Variants in CTNNA3 observed in about 807,000 individuals in gnomAD.
CTNNA3 encodes the protein catenin alpha 3.
Under a neutral mutation model 95.7 loss-of-function variants are expected in CTNNA3, and 76 were observed. That is an observed-to-expected ratio of 0.79 (90% CI 0.66 to 0.96). CTNNA3 has a LOEUF of 0.96. Ranked by LOEUF, CTNNA3 falls within the 40% of genes least tolerant of loss-of-function variation. CTNNA3 has a pLI of 0.00. For missense variants in CTNNA3, 1,191 were observed against 1,089.8 expected, an observed-to-expected ratio of 1.09 and a Z score of -1.31; for synonymous variants, 431 against 374.4, an observed-to-expected ratio of 1.15 and a Z score of -1.74.
At chr10:66,337,302 AG>A (rs1284132406) in intron 12 of CTNNA3, among the ~76,000 whole-genome samples, 1 of 152,110 alleles carries the variant, frequency 6.6e-6, no homozygotes, top group Admixed American at 6.5e-5. Context: ...CTGAGACCAA[AG>A]AGTCTTAGAA....
chr10:67,207,754 C>G (rs1437782413), intron 6 of CTNNA3, among the ~76,000 whole-genome samples: 1 of 152,148 alleles, frequency 6.6e-6, no homozygotes, highest in Non-Finnish European at 1.5e-5. Flanking sequence ...AATACTCAGT[C>G]TAACTGAAAA....
intron 13 of CTNNA3, among the ~76,000 whole-genome samples, chr10:66,279,786 C>G (rs929425780): frequency 6.6e-6 from 1 of 152,052 alleles, no homozygotes; most frequent in Non-Finnish European, 1.5e-5. Context: ...TAAGGTATCT[C>G]CATATCTTTA....
chr10:66,176,124 G>A (rs553151171), intron 13 of CTNNA3, among the ~76,000 whole-genome samples: 14 of 152,220 alleles, frequency 9.2e-5, no homozygotes, highest in Admixed American at 2.0e-4. Context: ...CCATAGCACC[G>A]GCTTTAAAAC....
chr10:66,666,815 C>CTT (rs35241654), intron 9 of CTNNA3, among the ~76,000 whole-genome samples: 2 of 151,506 alleles, frequency 1.3e-5, no homozygotes, highest in South Asian at 2.1e-4. Context: ...AAAAAACTTA[C>CTT]TTTTTTAATG....
chr10:65,956,872 G>C (rs966989597), intron 17 of CTNNA3, among the ~76,000 whole-genome samples: 1 of 152,172 alleles, frequency 6.6e-6, no homozygotes, highest in African/African-American at 2.4e-5. Context: ...CTATTGATTT[G>C]GGGTGGAGAG....
intron 13 of CTNNA3, among the ~76,000 whole-genome samples, chr10:66,171,222 T>A (rs1414790551): frequency 6.6e-6 from 1 of 151,590 alleles, no homozygotes; most frequent in African/African-American, 2.4e-5. Flanking sequence ...ATTAGGCTAA[T>A]CTTAATTTTA....
At chr10:66,614,737 ACAAAG>A (rs1844450264) in intron 10 of CTNNA3, among the ~76,000 whole-genome samples, 1 of 152,042 alleles carries the variant, frequency 6.6e-6, no homozygotes, top group African/African-American at 2.4e-5. Context: ...GATAGATATA[ACAAAG>A]CAATACTACA....
intron 14 of CTNNA3, among the ~76,000 whole-genome samples, chr10:66,090,102 G>A (rs182785509): frequency 6.6e-6 from 1 of 152,086 alleles, no homozygotes; most frequent in East Asian, 1.9e-4. Context: ...TGACAACACA[G>A]CACTTCTTTT....
chr10:66,913,238 C>CAAAAAAACAAAAAA (rs1846306239), intron 7 of CTNNA3, among the ~76,000 whole-genome samples: 1 of 33,530 alleles, frequency 3.0e-5, no homozygotes, highest in African/African-American at 1.2e-4. Context: ...GACTCCGTCT[C>CAAAAAAACAAAAAA]AAAAAAAAAA....
At chr10:67,753,559 C>T (rs907980687) in intron 1 of CTNNA3, among the ~76,000 whole-genome samples, 4 of 152,186 alleles carry the variant, frequency 2.6e-5, no homozygotes, top group Non-Finnish European at 2.9e-5. Context: ...TGTTTGCAAT[C>T]TATCCCTCTG....
intron 13 of CTNNA3, among the ~76,000 whole-genome samples, chr10:66,174,854 T>C (rs992734465): frequency 6.6e-6 from 1 of 152,078 alleles, no homozygotes; most frequent in African/African-American, 2.4e-5. Context: ...GCATTTCCAA[T>C]AGGAGCATGA....
intron 13 of CTNNA3, among the ~76,000 whole-genome samples, chr10:66,150,919 G>A (rs2133905112): frequency 6.6e-6 from 1 of 152,084 alleles, no homozygotes; most frequent in East Asian, 1.9e-4. Flanking sequence ...TTTTTAATAA[G>A]GGATGGGACT....
chr10:66,147,741 T>C (rs2083973458), intron 13 of CTNNA3, among the ~76,000 whole-genome samples: 1 of 148,728 alleles, frequency 6.7e-6, no homozygotes, highest in Admixed American at 6.9e-5. Flanking sequence ...ATGTAAAATA[T>C]GTTTATATTA....
At chr10:66,165,270 G>T (rs1422654091) in intron 13 of CTNNA3, among the ~76,000 whole-genome samples, 1 of 152,006 alleles carries the variant, frequency 6.6e-6, no homozygotes, top group African/African-American at 2.4e-5. Flanking sequence ...CATATATAAA[G>T]ATGGCAACAG....
chr10:66,389,025 TA>T (rs1399214466), intron 11 of CTNNA3, among the ~76,000 whole-genome samples: 1 of 152,172 alleles, frequency 6.6e-6, no homozygotes, highest in East Asian at 1.9e-4. Context: ...TTTAAGTGGC[TA>T]AAAGAACTTC....
At chr10:66,119,972 C>T (rs969247918) in intron 13 of CTNNA3, among the ~76,000 whole-genome samples, 1 of 152,102 alleles carries the variant, frequency 6.6e-6, no homozygotes, top group Non-Finnish European at 1.5e-5. Context: ...TCATTGTAAA[C>T]TTTGTATGGT....
rs115311237 is a variant in CTNNA3 at position 65,942,823 on chromosome 10, T to G, written c.2401-22206A>C. Among the ~76,000 whole-genome samples, 1,428 of 152,242 alleles carry G rather than the reference T, an allele frequency of 9.4e-3. 28 individuals carry two copies. Among genetic ancestry groups the G allele is most frequent in the African/African-American group, 0.032 (1,348 of 41,524 alleles). On this transcript the variant is annotated intron_variant, in intron 17 of 17. Coordinates refer to ENST00000433211, the MANE Select transcript of CTNNA3 (RefSeq NM_013266.4). The stretch of plus-strand genomic sequence containing the variant: ...GCTCTGGAATAAAAAAACCTAGATT[T>G]AAATCTGGATTCCACAACATACTCA...
intron 10 of CTNNA3, among the ~76,000 whole-genome samples, chr10:66,598,925 C>T (rs1843819457): frequency 6.6e-6 from 1 of 151,664 alleles, no homozygotes; most frequent in African/African-American, 2.4e-5. Context: ...CAAAATACAC[C>T]AAATAACCAA....
intron 15 of CTNNA3, among the ~76,000 whole-genome samples, chr10:66,021,201 G>C (rs2133424803): frequency 6.6e-6 from 1 of 152,242 alleles, no homozygotes; most frequent in Non-Finnish European, 1.5e-5. Context: ...TCGAATATAA[G>C]AATTGTAGGT....
Sources: gnomAD v4.1 joint callset for allele counts (sites outside exome capture counted in the v4.1 genomes callset) on GRCh38, gnomAD v4.1.1 for gene constraint, MANE v1.5 for transcripts, NCBI Gene and HGNC (gene_info 2026-07-23, HGNC 2026-07-21) for gene names.